Variants in METTL15 observed in about 807,000 individuals in gnomAD.
METTL15 encodes the protein 12S rRNA N(4)-cytidine methyltransferase METTL15.
In METTL15, 34 loss-of-function variants were observed where a neutral mutation model predicts 38.3. The observed-to-expected ratio is 0.89, with a 90% CI of 0.68 to 1.18. The LOEUF is 1.18. Ranked by LOEUF, METTL15 falls within the 50% of genes most tolerant of loss-of-function variation. The pLI is 0.00. For synonymous variants in METTL15, 162 were observed against 170.9 expected (o/e 0.95, Z 0.41); for missense variants, 438 against 498.4 (o/e 0.88, Z 1.15).
At chr11:28,301,040 A>G (rs780779000) in intron 6 of METTL15, among the ~76,000 whole-genome samples, 37 of 152,158 alleles carry the variant, frequency 2.4e-4, no homozygotes, top group Admixed American at 5.2e-4. Context: ...ATACAGGCGT[A>G]GAGACTTTAG....
intron 6 of METTL15, among the ~76,000 whole-genome samples, chr11:28,311,373 C>G (rs991619642): frequency 6.6e-6 from 1 of 152,182 alleles, no homozygotes; most frequent in Non-Finnish European, 1.5e-5. Flanking sequence ...TATATTATTA[C>G]TTTAGATCGT....
intron 4 of METTL15, among the ~76,000 whole-genome samples, chr11:28,254,692 G>A (rs555192926): frequency 1.6e-4 from 25 of 152,056 alleles, no homozygotes; most frequent in African/African-American, 4.3e-4. Context: ...TCATTATTCC[G>A]CAAATGGATA....
In METTL15 at chr11:28,112,653, A is replaced by C. The variant is rs535457069; in HGVS notation, c.-17-665A>C. On this transcript the variant is annotated intron_variant, in intron 2 of 6. Coordinates refer to ENST00000407364, the MANE Select transcript of METTL15 (RefSeq NM_001113528.2). The stretch of plus-strand genomic sequence containing the variant: ...CGGGGACAGATAATTAAAGGTAGAC[A>C]TGAAATACCGAAGTGTGCTCAGTTG... Among the ~76,000 whole-genome samples the C allele has an allele frequency of 5.3e-5, 8 of 152,322 alleles. No individual in the cohort carries two copies. The South Asian group carries it at 1.2e-3, about 24-fold the overall frequency.
At chr11:28,384,863 T>A (rs935481872) in intron 5 of METTL15, among the ~76,000 whole-genome samples, 4 of 152,292 alleles carry the variant, frequency 2.6e-5, no homozygotes, top group South Asian at 2.1e-4. Context: ...TATGTCATTG[T>A]GGTTTAGATT....
intron 6 of METTL15, among the ~76,000 whole-genome samples, chr11:28,498,382 T>C (rs900711165): frequency 9.2e-5 from 14 of 152,024 alleles, no homozygotes; most frequent in Non-Finnish European, 2.1e-4. Flanking sequence ...ATGGTCTCGA[T>C]CTCCTGACCT....
At chr11:28,113,634 T>A in intron 3 of METTL15, 30 bp downstream of exon 3, 1 of 1,594,288 alleles carries the variant, frequency 6.3e-7, no homozygotes, top group African/African-American at 1.4e-5. Flanking sequence ...TTTAGCAAGT[T>A]TTTGTTGAGA....
rs529885507 is a variant in METTL15 at position 28,435,633 on chromosome 11, A to G, written c.*424+11269A>G. Among the ~76,000 whole-genome samples, 67 of 152,342 alleles carry G rather than the reference A, an allele frequency of 4.4e-4. No individual in the cohort carries two copies. In the South Asian group the frequency reaches 0.013, roughly 30 times the overall value. On this transcript the variant is annotated intron_variant and NMD_transcript_variant, in intron 6 of 7. Coordinates refer to the METTL15 transcript ENST00000532947. ...CTCTCTACAAGTGTGAGACACCTCT[A>G]TAGAGTCTCAATTCTTTTTTCCTCC...
intron 4 of METTL15, among the ~76,000 whole-genome samples, chr11:28,226,145 A>G (rs924981321): frequency 6.6e-6 from 1 of 151,920 alleles, no homozygotes; most frequent in Non-Finnish European, 1.5e-5. Context: ...CAGAGTATAT[A>G]CATCAAGCAA....
intron 5 of METTL15, among the ~76,000 whole-genome samples, chr11:28,380,223 A>G (rs1249631747): frequency 4.1e-5 from 6 of 144,594 alleles, no homozygotes; most frequent in Non-Finnish European, 7.4e-5. Flanking sequence ...GCTGGAGTAC[A>G]GTGGCACAAT....
chr11:28,201,608 A>AT (rs1375716840), intron 3 of METTL15, among the ~76,000 whole-genome samples: 3 of 1,910 alleles, frequency 1.6e-3, no homozygotes, highest in East Asian at 0.031. Context: ...TAGTCTTGGG[A>AT]GGGTGTGTGT....
intron 3 of METTL15, among the ~76,000 whole-genome samples, chr11:28,205,571 G>A (rs1251222203): frequency 6.6e-6 from 1 of 151,998 alleles, no homozygotes; most frequent in Non-Finnish European, 1.5e-5. Context: ...AAACATACGT[G>A]TGCATGTGTC....
At chr11:28,138,776 G>A (rs560758390) in intron 3 of METTL15, among the ~76,000 whole-genome samples, 263 of 152,286 alleles carry the variant, frequency 1.7e-3, no homozygotes, top group South Asian at 6.8e-3. Flanking sequence ...TCCCAAGGAC[G>A]TAAAACAAAA....
intron 4 of METTL15, among the ~76,000 whole-genome samples, chr11:28,258,597 C>T (rs570925590): frequency 3.9e-5 from 6 of 152,278 alleles, no homozygotes; most frequent in Admixed American, 1.3e-4. Flanking sequence ...AAGACACAGT[C>T]GTTCCTACTA....
chr11:28,344,546 CA>C (rs961246494), intron 3 of METTL15, among the ~76,000 whole-genome samples: 12 of 152,154 alleles, frequency 7.9e-5, no homozygotes, highest in African/African-American at 2.9e-4. Context: ...TCACATTTCC[CA>C]CATGTGACCC....
At chr11:28,196,323 C>A (rs1851907615) in intron 3 of METTL15, among the ~76,000 whole-genome samples, 1 of 151,960 alleles carries the variant, frequency 6.6e-6, no homozygotes, top group Non-Finnish European at 1.5e-5. Flanking sequence ...TTGATTCTTC[C>A]AATCCATGAA....
intron 4 of METTL15, among the ~76,000 whole-genome samples, chr11:28,235,780 C>T (rs769556346): frequency 2.2e-4 from 34 of 152,188 alleles, no homozygotes; most frequent in Non-Finnish European, 3.8e-4. Flanking sequence ...CCTGTTTTCC[C>T]AATTGAATAC....
chr11:28,486,343 C>G lies in METTL15; in HGVS notation c.*425-40135C>G, dbSNP rs1311611896. ...AGGGAGACCTCTTGGATCAGGCTCT[C>G]ATGTTAATCTTTCCCAGGTGGACAC... On this transcript the variant is annotated intron_variant and NMD_transcript_variant, in intron 6 of 7. Transcript: ENST00000532947. Among the ~76,000 whole-genome samples, 106 of 151,872 alleles carry G rather than the reference C, an allele frequency of 7.0e-4. 1 individual carries two copies.
intron 4 of METTL15, chr11:28,261,314 C>T (rs1855191931): frequency 1.3e-5 from 2 of 152,172 alleles, no homozygotes; most frequent in Non-Finnish European, 2.9e-5. Flanking sequence ...AGTGGGGAAG[C>T]ACAGCTACTC....
intron 6 of METTL15, among the ~76,000 whole-genome samples, chr11:28,437,426 A>T (rs980581509): frequency 6.6e-6 from 1 of 152,258 alleles, no homozygotes. Flanking sequence ...GAAGATGCAC[A>T]TATAGGGATG....
Sources: gnomAD v4.1 joint callset for allele counts (sites outside exome capture counted in the v4.1 genomes callset) on GRCh38, gnomAD v4.1.1 for gene constraint, MANE v1.5 for transcripts, NCBI Gene and HGNC (gene_info 2026-07-23, HGNC 2026-07-21) for gene names.